The following SLC25A28 variants were observed in gnomAD, a reference collection of about 807,000 sequenced individuals.
The protein encoded by SLC25A28 is mitoferrin-2.
SLC25A28 carries 10 observed loss-of-function variants against 31.9 expected under a neutral mutation model. The ratio of observed to expected loss-of-function variants is 0.31; its 90% confidence interval spans 0.19 to 0.53. The LOEUF (loss-of-function observed/expected upper bound fraction) is 0.53, where lower values mean the gene tolerates loss of function less well. SLC25A28 is among the 20% of genes least tolerant of loss of function. SLC25A28 has a pLI of 0.95. For synonymous variants in SLC25A28, 208 were observed against 203.6 expected, an observed-to-expected ratio of 1.02 and a Z score of -0.19; for missense variants, 256 against 490.3, an observed-to-expected ratio of 0.52 and a Z score of 4.51.
At chr10:99,612,475 T>C (rs998305454) in intron 3 of SLC25A28, 68 bp downstream of exon 3, 20 of 1,568,934 alleles carry the variant, frequency 1.3e-5, no homozygotes, top group Non-Finnish European at 1.7e-5. Flanking sequence ...CTGATGTGCT[T>C]TCTTCTGCAA....
the SLC25A28 span, among the ~76,000 whole-genome samples, chr10:99,640,924 C>T: frequency 1.5e-4 from 23 of 151,544 alleles, no homozygotes; most frequent in Non-Finnish European, 3.1e-4. Flanking sequence ...CATAGTATTC[C>T]ATGGTGTATA....
chr10:99,634,962 C>T, the SLC25A28 span, among the ~76,000 whole-genome samples: 3 of 152,206 alleles, frequency 2.0e-5, no homozygotes, highest in Admixed American at 6.5e-5. Flanking sequence ...AGAAACCCTA[C>T]ATGCTAGAAG....
rs760641476 is a variant in SLC25A28, at chr10:99,616,690, C to T, written c.292-2766G>A. The T allele has an allele frequency of 1.7e-4, 172 of 985,188 alleles. 1 individual carries two copies. Among genetic ancestry groups the T allele is most frequent in the Non-Finnish European group, 6.5e-5 (54 of 829,916 alleles). 61.0% of individuals were successfully genotyped at this position (985,188 alleles called of 1,614,324 possible). On this transcript the variant is annotated intron_variant, in intron 1 of 3. Transcript: ENST00000370495. ...CAAGCTTTACTGTGAAATTCTGTGC[C>T]TTGCCTGGTTCTTGTAATCTGCTTT...
the SLC25A28 span, among the ~76,000 whole-genome samples, chr10:99,653,258 C>T: frequency 6.6e-6 from 1 of 152,192 alleles, no homozygotes; most frequent in Non-Finnish European, 1.5e-5. Context: ...TCTTTAGGAT[C>T]ACCCTGGGGG....
At chr10:99,622,917 T>A (rs2034822391), upstream of SLC25A28, among the ~76,000 whole-genome samples, 1 of 152,062 alleles carries the variant, frequency 6.6e-6, no homozygotes, top group Admixed American at 6.6e-5. Context: ...ACAGACATAG[T>A]CCATGTTCTC....
the SLC25A28 span, among the ~76,000 whole-genome samples, chr10:99,631,880 TTTTTTTTTTTA>T: frequency 6.5e-5 from 6 of 92,566 alleles, no homozygotes; most frequent in South Asian, 1.3e-3. Context: ...AGTATGTTAT[TTTTTTTTTTTA>T]TTTTTTTTTT....
In SLC25A28 at chr10:99,618,957, C is replaced by T. The variant is rs565650175; in HGVS notation, c.291+1088G>A. The T allele has an allele frequency of 3.7e-5, 36 of 985,432 alleles. No homozygotes were observed. In the South Asian group the frequency reaches 1.4e-3, roughly 39 times the overall value. The allele number at this position is 985,432 out of a possible 1,614,324, so 61.0% of individuals were successfully genotyped here. On this transcript the variant is annotated intron_variant, in intron 1 of 3. Coordinates refer to ENST00000370495, the MANE Select transcript of SLC25A28 (RefSeq NM_031212.4). The stretch of plus-strand genomic sequence containing the variant: ...CTGCCAGGTCACTGTTTGACTATTA[C>T]CCTTCACATGTAAAGGAGGCATCGG...
chr10:99,619,311 A>G (rs1161299462), intron 1 of SLC25A28: 2 of 985,322 alleles, frequency 2.0e-6, no homozygotes, highest in African/African-American at 3.5e-5. Context: ...TCAGGTGGCC[A>G]AAGAAATATG....
rs1303826633 is a variant in SLC25A28, at chr10:99,611,986, T to C, written c.577+557A>G. The stretch of plus-strand genomic sequence containing the variant: ...CCCATGGCCTTGCCCAGACAGAAAA[T>C]GAACGTGGCAACAATGCTATCCCTT... On this transcript the variant is annotated intron_variant, in intron 3 of 3. Transcript: ENST00000370495. The surrounding 1 kb of genome is among the most constrained non-coding windows in gnomAD (Gnocchi z 5.5). Among the ~76,000 whole-genome samples the C allele has an allele frequency of 6.6e-6, 1 of 152,178 alleles. No individual in the cohort carries two copies. Among genetic ancestry groups the C allele is most frequent in the African/African-American group, 2.4e-5 (1 of 41,452 alleles).
At chr10:99,658,828 C>T in the SLC25A28 span, among the ~76,000 whole-genome samples, 1 of 152,138 alleles carries the variant, frequency 6.6e-6, no homozygotes, top group Non-Finnish European at 1.5e-5. Context: ...CACACACCCA[C>T]GCGCGCGCGT....
the SLC25A28 span, among the ~76,000 whole-genome samples, chr10:99,627,731 G>A: frequency 7.2e-5 from 11 of 152,020 alleles, no homozygotes; most frequent in Non-Finnish European, 1.3e-4. Flanking sequence ...ATGAGCTACC[G>A]TACCCTGCCC....
chr10:99,622,452 T>A (rs1451217757), upstream of SLC25A28, among the ~76,000 whole-genome samples: 1 of 152,258 alleles, frequency 6.6e-6, no homozygotes, highest in East Asian at 1.9e-4. Flanking sequence ...GCTAGAGTAC[T>A]AATTCCCTTT....
chr10:99,620,453 C>G (rs1353230109), upstream of SLC25A28: 6 of 1,047,218 alleles, frequency 5.7e-6, no homozygotes, highest in Non-Finnish European at 6.9e-6. Context: ...GCCTCCGGCT[C>G]CCGCTTGGCC....
the SLC25A28 span, among the ~76,000 whole-genome samples, chr10:99,636,626 T>C: frequency 6.6e-6 from 1 of 151,820 alleles, no homozygotes; most frequent in Non-Finnish European, 1.5e-5. Context: ...CTGACACTGC[T>C]GAAATACAAA....
the SLC25A28 span, among the ~76,000 whole-genome samples, chr10:99,656,460 T>C: frequency 3.3e-5 from 5 of 152,156 alleles, no homozygotes; most frequent in African/African-American, 1.2e-4. Flanking sequence ...GGAGGAGGTT[T>C]GGGTGGATAT....
the SLC25A28 span, among the ~76,000 whole-genome samples, chr10:99,641,834 C>A: frequency 5.9e-5 from 9 of 152,328 alleles, no homozygotes; most frequent in African/African-American, 2.2e-4. Flanking sequence ...ATCCTTTCCC[C>A]ATTTCTTGTT....
At chr10:99,615,426 C>G in intron 1 of SLC25A28, 1 of 984,006 alleles carries the variant, frequency 1.0e-6, no homozygotes, top group Non-Finnish European at 1.2e-6. Context: ...TACCTTTCCT[C>G]AAGAGCATGG....
upstream of SLC25A28, among the ~76,000 whole-genome samples, chr10:99,624,247 CT>C (rs951227945): frequency 1.1e-5 from 1 of 92,048 alleles, no homozygotes; most frequent in Non-Finnish European, 2.3e-5. Flanking sequence ...TTCTCTCTTT[CT>C]TTTTCTTTCT....
chr10:99,623,961 G>A (rs532482414), upstream of SLC25A28, among the ~76,000 whole-genome samples: 2 of 152,326 alleles, frequency 1.3e-5, no homozygotes, highest in East Asian at 3.9e-4. Context: ...GATAAATGAT[G>A]TTACCTGAAG....
Sources: gnomAD v4.1 joint callset for allele counts (sites outside exome capture counted in the v4.1 genomes callset) on GRCh38, gnomAD v4.1.1 for gene constraint, Gnocchi (gnomAD v3.1) non-coding constraint, MANE v1.5 for transcripts, NCBI Gene and HGNC (gene_info 2026-07-23, HGNC 2026-07-21) for gene names.